The following RGS5 variants were observed in gnomAD, a reference collection of about 807,000 sequenced individuals.
RGS5 encodes the protein regulator of G-protein signalling 5.
In RGS5, 20 loss-of-function variants were observed where a neutral mutation model predicts 18.9. The observed-to-expected ratio is 1.06, with a 90% confidence interval of 0.74 to 1.54. The LOEUF (loss-of-function observed/expected upper bound fraction) is 1.54. Among genes scored for constraint, RGS5 ranks in the 40% most tolerant of loss-of-function variants. RGS5 has a pLI of 0.00. For missense variants in RGS5, 201 were observed against 211.8 expected (o/e 0.95, Z 0.32); for synonymous variants, 57 against 76.2 (o/e 0.75, Z 1.31).
chr1:163,294,940 T>C (rs894244635), intron 2 of RGS5, among the ~76,000 whole-genome samples: 1 of 152,204 alleles, frequency 6.6e-6, no homozygotes. Context: ...CCAGACTCTT[T>C]GCTAAAGCAT....
intron 1 of RGS5, among the ~76,000 whole-genome samples, chr1:163,169,633 A>G (rs1443905358): frequency 6.6e-6 from 1 of 151,946 alleles, no homozygotes; most frequent in East Asian, 1.9e-4. Flanking sequence ...GCATTTTTTC[A>G]TGTGTTTTTT....
At chr1:163,253,320 T>C (rs1447001022) in intron 2 of RGS5, among the ~76,000 whole-genome samples, 1 of 152,022 alleles carries the variant, frequency 6.6e-6, no homozygotes, top group East Asian at 1.9e-4. Flanking sequence ...ATAAGGCCAT[T>C]TTTCTTGAGA....
At chr1:163,165,049 T>A (rs1315165403) in intron 2 of RGS5, among the ~76,000 whole-genome samples, 1 of 152,170 alleles carries the variant, frequency 6.6e-6, no homozygotes, top group African/African-American at 2.4e-5. Context: ...AGCCCTTACC[T>A]GATAACCAGT....
At chr1:163,157,244 A>G (rs1438430299) in intron 3 of RGS5, among the ~76,000 whole-genome samples, 1 of 152,192 alleles carries the variant, frequency 6.6e-6, no homozygotes, top group Non-Finnish European at 1.5e-5. Flanking sequence ...GAACTATTAA[A>G]TGTCACTCTT....
In RGS5 at chr1:163,147,183, G is replaced by A. The variant is rs1348343872; in HGVS notation, c.*159C>T. ...TTCGGACAGTAGATAAGTATCCAAA[G>A]CAGTGTGGGCAAAAAGAGTAAGCAA... On this transcript the variant is annotated 3_prime_UTR_variant, in exon 5 of 5. Transcript: ENST00000313961. 1 of 627,786 alleles carries A rather than the reference G, an allele frequency of 1.6e-6. No individual in the cohort carries two copies. The allele number at this position is 627,786 out of a possible 1,614,324, so 38.9% of individuals were successfully genotyped here. A position where few individuals can be genotyped will look rare whatever the true frequency, so the allele number is the denominator to read the frequency against.
rs1657116512 is a variant in RGS5 at position 163,146,112 on chromosome 1, C to T, written c.*1230G>A. Reference sequence around the variant, plus strand: ...TTAAAAGTTTAAACCTACCAAAAGTCCTATGGCCTATTATTTAGCTGTGAA... The same window carrying T: ...TTAAAAGTTTAAACCTACCAAAAGTTCTATGGCCTATTATTTAGCTGTGAA... On this transcript the variant is annotated 3_prime_UTR_variant, in exon 5 of 5. Coordinates refer to ENST00000313961, the MANE Select transcript of RGS5 (RefSeq NM_003617.4). 1 of 152,052 alleles carries T rather than the reference C, an allele frequency of 6.6e-6. No homozygotes were observed. The highest frequency in any genetic ancestry group is 6.6e-5 in the Admixed American group (1 of 15,242). The allele number at this position is 152,052 out of a possible 1,614,324, so 9.4% of individuals were successfully genotyped here. A position where few individuals can be genotyped will look rare whatever the true frequency, so the allele number is the denominator to read the frequency against.
At chr1:163,233,623 C>G (rs1264260359) in intron 2 of RGS5, among the ~76,000 whole-genome samples, 1 of 152,152 alleles carries the variant, frequency 6.6e-6, no homozygotes, top group African/African-American at 2.4e-5. Flanking sequence ...AAAAGAGAGT[C>G]AGCAAAGGGT....
intron 3 of RGS5, among the ~76,000 whole-genome samples, chr1:163,158,571 G>A (rs1657677562): frequency 6.6e-6 from 1 of 152,090 alleles, no homozygotes; most frequent in African/African-American, 2.4e-5. Context: ...TAATGCCCCT[G>A]AGCTGTAAAA....
intron 2 of RGS5, among the ~76,000 whole-genome samples, chr1:163,246,135 TAA>T (rs1647927392): frequency 4.0e-5 from 6 of 150,112 alleles, no homozygotes; most frequent in East Asian, 2.0e-4. Flanking sequence ...GAGAATGGCG[TAA>T]GTAAACCCAG....
chr1:163,171,317 G>A (rs1180431392), intron 1 of RGS5, among the ~76,000 whole-genome samples: 1 of 152,116 alleles, frequency 6.6e-6, no homozygotes, highest in African/African-American at 2.4e-5. Flanking sequence ...GATGCAAGGT[G>A]CACTAGGACA....
chr1:163,226,662 A>C (rs1191263018), intron 2 of RGS5, among the ~76,000 whole-genome samples: 1 of 152,244 alleles, frequency 6.6e-6, no homozygotes, highest in Non-Finnish European at 1.5e-5. Context: ...AAAGCAAACT[A>C]TGGGTACAAA....
rs188809592 is a variant in RGS5 at position 163,235,795 on chromosome 1, T to A, written c.-280-67427A>T. On this transcript the variant is annotated intron_variant, in intron 2 of 5. Coordinates refer to the RGS5 transcript ENST00000618415. ...CTTACTTCTTAAAACTTTGTGAGCT[T>A]TCTATTATCTATCAGGTTATAGTTC... 1.8e-3 allele frequency among the ~76,000 whole-genome samples: 272 copies of A among 152,326 alleles called. 1 individual carries two copies. In the Middle Eastern group the frequency reaches 0.027, roughly 15 times the overall value.
chr1:163,286,011 C>A (rs1292648845), intron 2 of RGS5, among the ~76,000 whole-genome samples: 4 of 151,684 alleles, frequency 2.6e-5, no homozygotes, highest in Non-Finnish European at 4.4e-5. Context: ...CACACACACA[C>A]ACACACATGC....
intron 1 of RGS5, among the ~76,000 whole-genome samples, chr1:163,186,159 C>T (rs1659063234): frequency 6.6e-6 from 1 of 151,260 alleles, no homozygotes; most frequent in Non-Finnish European, 1.5e-5. Flanking sequence ...GCAACCTCTA[C>T]CTCTAGGTTC....
chr1:163,254,759 T>C (rs1164319791), intron 2 of RGS5, among the ~76,000 whole-genome samples: 3 of 152,082 alleles, frequency 2.0e-5, no homozygotes, highest in African/African-American at 4.8e-5. Flanking sequence ...TAGGTTTTCT[T>C]CTAGGGTTTT....
At chr1:163,178,969 G>A (rs187960252) in intron 1 of RGS5, among the ~76,000 whole-genome samples, 1 of 152,320 alleles carries the variant, frequency 6.6e-6, no homozygotes, top group Admixed American at 6.5e-5. Context: ...AAAGTAACGT[G>A]TTGAATTGTG....
Position 163,227,305 on chromosome 1 carries a change from C to T in RGS5, c.-280-58937G>A, listed in dbSNP as rs189255567. Among the ~76,000 whole-genome samples, 336 of 152,262 alleles carry T rather than the reference C, an allele frequency of 2.2e-3. 2 individuals carry two copies. The highest frequency in any genetic ancestry group is 7.6e-3 in the African/African-American group (315 of 41,520). ...AAACAGGTTTAATTGACTCACAGTT[C>T]CACATGGTTGGGGAGGCATCAGGAA... On this transcript the variant is annotated intron_variant, in intron 2 of 5. Transcript: ENST00000618415.
chr1:163,251,803 C>A (rs1557919917), intron 2 of RGS5, among the ~76,000 whole-genome samples: 1 of 152,118 alleles, frequency 6.6e-6, no homozygotes, highest in Non-Finnish European at 1.5e-5. Context: ...TACTTTCACT[C>A]AGCATAATTC....
chr1:163,176,551 G>A (rs1175056682), intron 1 of RGS5, among the ~76,000 whole-genome samples: 1 of 151,774 alleles, frequency 6.6e-6, no homozygotes, highest in African/African-American at 2.4e-5. Flanking sequence ...AACCCAGGAG[G>A]TGGAGGTTGT....
Sources: gnomAD v4.1 joint callset for allele counts (sites outside exome capture counted in the v4.1 genomes callset) on GRCh38, gnomAD v4.1.1 for gene constraint, MANE v1.5 for transcripts, NCBI Gene and HGNC (gene_info 2026-07-23, HGNC 2026-07-21) for gene names.